Variants in DNAH2 observed in about 807,000 individuals in gnomAD.
DNAH2 encodes the protein dynein axonemal heavy chain 2.
DNAH2 carries 323 observed loss-of-function variants against 523.5 expected under a neutral mutation model. That is an observed-to-expected ratio of 0.62 (90% CI 0.56 to 0.68). DNAH2 has a LOEUF of 0.68. Ranked by LOEUF, DNAH2 falls within the 30% of genes least tolerant of loss-of-function variation. DNAH2 has a pLI of 0.00. For missense variants in DNAH2, 4,907 were observed against 5,701.5 expected (o/e 0.86, Z 4.49); for synonymous variants, 2,093 against 2,177.4 (o/e 0.96, Z 1.08).
At chr17:7,794,421 G>C in intron 49 of DNAH2, 63 bp downstream of exon 49, 1 of 1,454,818 alleles carries the variant, frequency 6.9e-7, no homozygotes, top group South Asian at 1.3e-5. Flanking sequence ...GTCTGTCTCA[G>C]AGAAGCAGGG....
At position 7,786,243 on chromosome 17, in the gene DNAH2, G is replaced by A. The variant is rs754063648; in HGVS notation, c.6249G>A (p.Val2083=). The A allele has an allele frequency of 3.7e-6, 6 of 1,614,022 alleles. No individual in the cohort carries two copies. The highest frequency in any genetic ancestry group is 5.1e-6 in the Non-Finnish European group (6 of 1,179,998). The change falls in exon 40 of 86, where the codon GTG becomes GTA. Residue 2083 remains valine, a synonymous_variant. Coordinates refer to ENST00000572933, the MANE Select transcript of DNAH2 (RefSeq NM_020877.5). The surrounding 1 kb of genome is among the most constrained non-coding windows in gnomAD (Gnocchi z 7.5). ...ACTCCCGCCACTCCACCATGATCGT[G>A]GGCTGCACGGGCAGCGGCAAGACTG... is the stretch of plus-strand genomic sequence containing the variant. ...TKNSRHSTMI[V]GCTGSGKTAS...
At chr17:7,779,502 T>A in intron 36 of DNAH2, 79 bp downstream of exon 36, 1 of 1,416,710 alleles carries the variant, frequency 7.1e-7, no homozygotes, top group Middle Eastern at 2.3e-4. Context: ...CATCCTCCTC[T>A]TCCCCCTTCC....
rs2076570003 is a variant in DNAH2 at position 7,780,357 on chromosome 17, C to T, written c.5850+73C>T. 2.5e-6 allele frequency: 4 copies of T among 1,596,518 alleles called. No homozygotes were observed. Among genetic ancestry groups the T allele is most frequent in the Non-Finnish European group, 2.6e-6 (3 of 1,170,068 alleles). On this transcript the variant is annotated intron_variant, in intron 37 of 85. Coordinates refer to ENST00000572933, the MANE Select transcript of DNAH2 (RefSeq NM_020877.5). The surrounding 1 kb of genome is among the most constrained non-coding windows in gnomAD (Gnocchi z 4.4). ...ATTATTCCCTGGACAGAGGAGCTCCCCAAGGGCCTCACAATCAGCTTATCC... is the reference window on the plus strand; with the variant it reads ...ATTATTCCCTGGACAGAGGAGCTCCTCAAGGGCCTCACAATCAGCTTATCC...
intron 67 of DNAH2, 25 bp downstream of exon 67, chr17:7,817,881 G>A (rs578209134): frequency 4.7e-4 from 759 of 1,612,640 alleles, no homozygotes; most frequent in Non-Finnish European, 6.0e-4. Flanking sequence ...GGTCAGGTTA[G>A]CCCCCCCCTT....
In DNAH2 at chr17:7,821,691, T is replaced by C. The variant is rs186440942; in HGVS notation, c.11142+322T>C. Among the ~76,000 whole-genome samples the C allele has an allele frequency of 1.1e-4, 16 of 151,976 alleles. No homozygotes were observed. Among genetic ancestry groups the C allele is most frequent in the African/African-American group, 3.9e-4 (16 of 41,422 alleles). The stretch of plus-strand genomic sequence containing the variant: ...GAGTTCCATGGTCGCCCTCACAATC[T>C]CTCCCTCACAGGCTCCTCAACCCCA... On this transcript the variant is annotated intron_variant, in intron 73 of 85. Coordinates refer to ENST00000572933, the MANE Select transcript of DNAH2 (RefSeq NM_020877.5). This position sits in a 1 kb window ranked among gnomAD's most constrained non-coding sequence, Gnocchi z 5.0.
rs2075169264 is a variant in DNAH2, at chr17:7,737,253, C to T, written c.1165C>T (p.Arg389Ter). The T allele has an allele frequency of 1.1e-5, 18 of 1,613,706 alleles. No individual in the cohort carries two copies. The highest frequency in any genetic ancestry group is 2.2e-5 in the South Asian group (2 of 91,044). ...TCGGGAGAGACTGACCTCGCTCTTC[C>T]GAAAGGTGTGCATATGCTGAGGGTG... Reference protein sequence around the residue: ...NTRERLTSLFRKVCDCQYHFA... With the variant: ...NTRERLTSLF The change falls in exon 8 of 86, where the codon CGA becomes TGA. Residue 389 changes from arginine (R) to a stop codon, truncating the protein, a stop_gained. Transcript: ENST00000572933. LOFTEE classifies it high-confidence loss of function.
At chr17:7,789,721 T>C (rs1368068102) in intron 44 of DNAH2, among the ~76,000 whole-genome samples, 1 of 151,786 alleles carries the variant, frequency 6.6e-6, no homozygotes, top group East Asian at 1.9e-4. Context: ...GGACTACAGG[T>C]GCCTGCCACC....
Position 7,800,909 on chromosome 17 carries a change from G to C in DNAH2, c.8700-669G>C, listed in dbSNP as rs2077205213. 2.0e-5 allele frequency among the ~76,000 whole-genome samples: 3 copies of C among 149,222 alleles called. No individual in the cohort carries two copies. The South Asian group carries it at 6.4e-4, about 32-fold the overall frequency. ...TTTTTTTGAGACCGAGTCTTGCTCT[G>C]TTGCCCAGGCTGGAGTGCAGTGGTG... On this transcript the variant is annotated intron_variant, in intron 56 of 85. Coordinates refer to ENST00000572933, the MANE Select transcript of DNAH2 (RefSeq NM_020877.5).
At chr17:7,790,463 C>T (rs2151270110) in intron 44 of DNAH2, among the ~76,000 whole-genome samples, 1 of 152,246 alleles carries the variant, frequency 6.6e-6, no homozygotes, top group South Asian at 2.1e-4. Context: ...CTCAAGTGAT[C>T]CTCCTGCCTC....
At chr17:7,800,826 T>G (rs942914230) in intron 56 of DNAH2, among the ~76,000 whole-genome samples, 1 of 145,196 alleles carries the variant, frequency 6.9e-6, no homozygotes, top group Non-Finnish European at 1.5e-5. Context: ...TAGATGGCGC[T>G]ACTGCACTCC....
At chr17:7,753,895 C>A (rs1182611720) in intron 12 of DNAH2, among the ~76,000 whole-genome samples, 2 of 151,966 alleles carry the variant, frequency 1.3e-5, no homozygotes, top group Non-Finnish European at 2.9e-5. Flanking sequence ...TTGCAGTGAG[C>A]CGAGATCGCA....
chr17:7,830,931 G>A, intron 79 of DNAH2, 89 bp downstream of exon 79: 1 of 1,563,416 alleles, frequency 6.4e-7, no homozygotes, highest in Non-Finnish European at 8.7e-7. Context: ...TTTGAGGAGA[G>A]GACGTGAGAT....
At chr17:7,728,618 C>T (rs1004308229) in intron 4 of DNAH2, among the ~76,000 whole-genome samples, 2 of 151,908 alleles carry the variant, frequency 1.3e-5, no homozygotes, top group Admixed American at 1.3e-4. Flanking sequence ...TGTTGCAGGC[C>T]GTGAAAAACG....
chr17:7,822,850 C>T (rs1392227432), intron 73 of DNAH2, among the ~76,000 whole-genome samples: 1 of 152,088 alleles, frequency 6.6e-6, no homozygotes, highest in African/African-American at 2.4e-5. Flanking sequence ...GGCTACCAAC[C>T]AGTCATTAGG....
chr17:7,793,526 C>CTCTT (rs1567709882), intron 48 of DNAH2, among the ~76,000 whole-genome samples: 5 of 121,134 alleles, frequency 4.1e-5, no homozygotes, highest in African/African-American at 1.5e-4. Context: ...TTCTCTTTCT[C>CTCTT]TTTCTTTCTT....
chr17:7,749,308 C>CAAAAA (rs57660603), intron 12 of DNAH2, among the ~76,000 whole-genome samples: 1,301 of 17,702 alleles, frequency 0.073, 583 homozygotes, highest in Middle Eastern at 0.1. Context: ...AACTCCCCCC[C>CAAAAA]AAAAAAAAAA....
At chr17:7,757,308 G>A in intron 13 of DNAH2, 71 bp downstream of exon 13, 1 of 1,520,518 alleles carries the variant, frequency 6.6e-7, no homozygotes, top group Non-Finnish European at 8.9e-7. Flanking sequence ...TATCTGCCCT[G>A]TAATGTTGTT....
rs2075329852 is a variant in DNAH2, at chr17:7,741,299, TTC to T, written c.1689+308_1689+309del. On this transcript the variant is annotated intron_variant, in intron 11 of 85. Transcript: ENST00000572933. ...CTTTCTTTCTTTCTTTCTTTCTTCC[TTC>T]CTTCCCTCCCTCCCTCCCTCCCTCC... is the stretch of plus-strand genomic sequence containing the variant. Among the ~76,000 whole-genome samples, 219 of 62,440 alleles carry T rather than the reference TTC, an allele frequency of 3.5e-3. 31 individuals are homozygous for T. The highest frequency in any genetic ancestry group is 0.01 in the African/African-American group (157 of 15,222). 41.0% of individuals were successfully genotyped at this position (62,440 alleles called of 152,430 possible).
intron 8 of DNAH2, 88 bp downstream of exon 8, chr17:7,737,346 G>C: frequency 7.1e-7 from 1 of 1,414,980 alleles, no homozygotes; most frequent in Admixed American, 1.9e-5. Context: ...CAGAGGATCT[G>C]TGGTTGAAAA....
Sources: gnomAD v4.1 joint callset for allele counts (sites outside exome capture counted in the v4.1 genomes callset) on GRCh38, gnomAD v4.1.1 for gene constraint, Gnocchi (gnomAD v3.1) non-coding constraint, MANE v1.5 for transcripts, NCBI Gene and HGNC (gene_info 2026-07-23, HGNC 2026-07-21) for gene names.